PTPRT: variants seen among roughly 807,000 people sequenced by gnomAD.
PTPRT encodes the protein receptor-type tyrosine-protein phosphatase T.
PTPRT carries 56 observed loss-of-function variants against 176.8 expected under a neutral mutation model. The observed-to-expected ratio is 0.32, with a 90% CI of 0.26 to 0.40. PTPRT has a LOEUF of 0.40. PTPRT is among the 10% of genes least tolerant of loss of function. The pLI, the probability that PTPRT is intolerant of heterozygous loss-of-function variation, is 1.00. For synonymous variants in PTPRT, 783 were observed against 739.0 expected (o/e 1.06, Z -0.96); for missense variants, 1,540 against 1,908.2 (o/e 0.81, Z 3.60).
At chr20:42,712,595 C>A (rs781660853) in intron 6 of PTPRT, among the ~76,000 whole-genome samples, 1 of 152,078 alleles carries the variant, frequency 6.6e-6, no homozygotes, top group Non-Finnish European at 1.5e-5. Flanking sequence ...CCCTGGACTC[C>A]CTATTCATAG....
intron 19 of PTPRT, among the ~76,000 whole-genome samples, chr20:42,124,225 TA>T (rs1239156753): frequency 6.6e-6 from 1 of 152,188 alleles, no homozygotes; most frequent in African/African-American, 2.4e-5. Context: ...TTCCTAACCT[TA>T]AAAGAACTTT....
intron 1 of PTPRT, among the ~76,000 whole-genome samples, chr20:42,964,565 A>T (rs1000945346): frequency 2.6e-5 from 4 of 152,160 alleles, no homozygotes; most frequent in African/African-American, 9.7e-5. Context: ...AATTTAATAC[A>T]ACTCTCTTTA....
Position 42,079,352 on chromosome 20 carries a change from G to C in PTPRT, c.*1527C>G, listed in dbSNP as rs2146078192. The stretch of plus-strand genomic sequence containing the variant: ...CTCCATAAAATAATTGCTTGGCTTA[G>C]AGAAGATGAAGAAAACAGCACGGAG... On this transcript the variant is annotated 3_prime_UTR_variant, in exon 31 of 31. Coordinates refer to ENST00000373187, the MANE Select transcript of PTPRT (RefSeq NM_007050.6). The C allele has an allele frequency of 4.8e-6, 1 of 207,536 alleles. No individual in the cohort carries two copies. 12.9% of individuals were successfully genotyped at this position (207,536 alleles called of 1,614,324 possible). A position where few individuals can be genotyped will look rare whatever the true frequency, so the allele number is the denominator to read the frequency against.
intron 9 of PTPRT, among the ~76,000 whole-genome samples, chr20:42,436,159 T>G (rs1342734470): frequency 6.6e-6 from 1 of 152,210 alleles, no homozygotes; most frequent in Non-Finnish European, 1.5e-5. Flanking sequence ...AGCAGAAATA[T>G]AGGCAATCAT....
At chr20:43,120,643 G>A (rs1445014697) in intron 1 of PTPRT, among the ~76,000 whole-genome samples, 1 of 152,200 alleles carries the variant, frequency 6.6e-6, no homozygotes. Context: ...GGAAGACAGT[G>A]TGTGCATGTT....
At chr20:42,448,400 C>A in intron 8 of PTPRT, 71 bp from the exon 9 acceptor site, 1 of 1,183,594 alleles carries the variant, frequency 8.4e-7, no homozygotes, top group Non-Finnish European at 1.3e-6. Context: ...TGACCTAGAA[C>A]AGGGGTTGAC....
intron 6 of PTPRT, among the ~76,000 whole-genome samples, chr20:42,729,438 C>A: frequency 6.6e-6 from 1 of 152,170 alleles, no homozygotes; most frequent in Non-Finnish European, 1.5e-5. Flanking sequence ...CCCGTGGAGT[C>A]CTGCTGTGTG....
At chr20:42,168,827 T>C (rs1989948916) in intron 16 of PTPRT, among the ~76,000 whole-genome samples, 2 of 152,210 alleles carry the variant, frequency 1.3e-5, no homozygotes, top group Admixed American at 1.3e-4. Flanking sequence ...CATAGGTGTA[T>C]GAGATTTGTG....
chr20:42,489,613 C>G (rs193208346), intron 7 of PTPRT, among the ~76,000 whole-genome samples: 1 of 151,928 alleles, frequency 6.6e-6, no homozygotes, highest in Non-Finnish European at 1.5e-5. Flanking sequence ...ATTACATGTG[C>G]ATTTTTAAAA....
At chr20:42,872,041 C>G (rs779092378) in intron 2 of PTPRT, among the ~76,000 whole-genome samples, 5 of 152,158 alleles carry the variant, frequency 3.3e-5, no homozygotes, top group Non-Finnish European at 5.9e-5. Context: ...TCATTGACTA[C>G]AAGGCTTTGA....
chr20:43,070,513 A>G (rs145872960), intron 1 of PTPRT, among the ~76,000 whole-genome samples: 2,761 of 152,266 alleles, frequency 0.018, 52 homozygotes, highest in East Asian at 0.076. Flanking sequence ...CTGCTATAAA[A>G]ACACATGCAC....
intron 1 of PTPRT, among the ~76,000 whole-genome samples, chr20:42,974,831 C>G (rs771401499): frequency 8.5e-5 from 13 of 152,216 alleles, no homozygotes; most frequent in Non-Finnish European, 1.3e-4. Flanking sequence ...CAGCACTACC[C>G]CCAATGGTCA....
chr20:42,113,492 G>A (rs186639310), intron 22 of PTPRT, among the ~76,000 whole-genome samples: 11 of 152,332 alleles, frequency 7.2e-5, no homozygotes, highest in Admixed American at 5.9e-4. Flanking sequence ...GACAGGGGCT[G>A]GCCCACCCTG....
chr20:43,091,493 T>TTC (rs150186688), intron 1 of PTPRT, among the ~76,000 whole-genome samples: 2 of 123,412 alleles, frequency 1.6e-5, no homozygotes, highest in South Asian at 2.7e-4. Context: ...CTCTCTCTAT[T>TTC]TCTCTCTCTC....
At chr20:42,889,598 C>T (rs2079158738) in intron 1 of PTPRT, among the ~76,000 whole-genome samples, 1 of 152,148 alleles carries the variant, frequency 6.6e-6, no homozygotes, top group African/African-American at 2.4e-5. Flanking sequence ...TAGAAATGGG[C>T]TCCTGTTCTG....
At chr20:42,798,420 A>C (rs1164727781) in intron 2 of PTPRT, among the ~76,000 whole-genome samples, 5 of 152,238 alleles carry the variant, frequency 3.3e-5, no homozygotes, top group Admixed American at 3.3e-4. Flanking sequence ...TAGTGCTACC[A>C]GTATTACCAT....
At chr20:42,926,934 C>T (rs1038745745) in intron 1 of PTPRT, among the ~76,000 whole-genome samples, 1 of 152,152 alleles carries the variant, frequency 6.6e-6, no homozygotes, top group African/African-American at 2.4e-5. Context: ...CTGCTCCAGG[C>T]CATCCCAGAG....
At chr20:42,355,214 C>G (rs1216437123) in intron 9 of PTPRT, among the ~76,000 whole-genome samples, 1 of 152,148 alleles carries the variant, frequency 6.6e-6, no homozygotes, top group Non-Finnish European at 1.5e-5. Context: ...AGCTCCCCCT[C>G]CTTGGTATTC....
intron 1 of PTPRT, among the ~76,000 whole-genome samples, chr20:43,083,347 T>TATATATATATATAC (rs528239687): frequency 0.061 from 6,001 of 97,692 alleles, 546 homozygotes; most frequent in Non-Finnish European, 0.071. Context: ...TATATATATA[T>TATATATATATATAC]ATATATATAT....
Sources: allele counts gnomAD v4.1 joint callset (sites outside exome capture counted in the v4.1 genomes callset), GRCh38; gene constraint gnomAD v4.1.1; transcripts MANE v1.5; gene names NCBI Gene and HGNC (gene_info 2026-07-23, HGNC 2026-07-21).